SH2D4B: variants seen among roughly 807,000 people sequenced by gnomAD.
The protein encoded by SH2D4B is SH2 domain-containing protein 4B.
Under a neutral mutation model 61.5 loss-of-function variants are expected in SH2D4B, and 45 were observed. The ratio of observed to expected loss-of-function variants is 0.73; its 90% CI spans 0.58 to 0.94. SH2D4B has a LOEUF of 0.94. SH2D4B is among the 40% of genes least tolerant of loss of function. The pLI is 0.00. For synonymous variants in SH2D4B, 224 were observed against 220.4 expected (o/e 1.02, Z -0.14); for missense variants, 572 against 574.2 (o/e 1.00, Z 0.04).
chr10:80,583,940 G>T (rs1220081748), intron 3 of SH2D4B, among the ~76,000 whole-genome samples: 1 of 152,178 alleles, frequency 6.6e-6, no homozygotes, highest in Non-Finnish European at 1.5e-5. Context: ...CAGAACATTG[G>T]TGTTAAAGAG....
chr10:80,556,207 A>C (rs978560002), intron 1 of SH2D4B, among the ~76,000 whole-genome samples: 1 of 151,826 alleles, frequency 6.6e-6, no homozygotes, highest in African/African-American at 2.4e-5. Flanking sequence ...TCTCCATTGC[A>C]TTATCTTGGC....
chr10:80,581,494 C>T (rs1471321771), intron 3 of SH2D4B, among the ~76,000 whole-genome samples: 1 of 139,302 alleles, frequency 7.2e-6, no homozygotes, highest in Admixed American at 7.1e-5. Context: ...AAAATGAGAT[C>T]GAGTGGGTTA....
chr10:80,639,468 T>G (rs2132166197), intron 7 of SH2D4B, among the ~76,000 whole-genome samples: 1 of 152,336 alleles, frequency 6.6e-6, no homozygotes, highest in South Asian at 2.1e-4. Flanking sequence ...GGTGCTCCTG[T>G]ATTGGGTGCA....
rs549906511 is a variant in SH2D4B, at chr10:80,609,640, T to C, written c.988+89T>C. 6.4e-5 allele frequency: 102 copies of C among 1,582,608 alleles called. No individual in the cohort carries two copies. In the African/African-American group the frequency reaches 1.1e-3, roughly 18 times the overall value. On this transcript the variant is annotated intron_variant, in intron 6 of 7. Transcript: ENST00000646907. ...GGGGAGGGGTGCTGAAGGACAGTTA[T>C]AATCAGGGGGCAGAGGACTTTAAGC...
intron 1 of SH2D4B, among the ~76,000 whole-genome samples, chr10:80,551,290 G>A (rs1391981165): frequency 1.3e-5 from 2 of 151,852 alleles, no homozygotes; most frequent in Admixed American, 6.6e-5. Flanking sequence ...TCCTGACCTC[G>A]TGATCTGCCT....
intron 6 of SH2D4B, among the ~76,000 whole-genome samples, chr10:80,624,362 C>T (rs559482777): frequency 1.3e-5 from 2 of 152,342 alleles, no homozygotes; most frequent in African/African-American, 4.8e-5. Context: ...TCTGCCTCTT[C>T]CCAGCTCTAG....
At chr10:80,541,508 C>G (rs890783633) in intron 1 of SH2D4B, among the ~76,000 whole-genome samples, 1 of 152,272 alleles carries the variant, frequency 6.6e-6, no homozygotes, top group South Asian at 2.1e-4. Context: ...CTGAGCATGA[C>G]GTGGGTTAGT....
intron 6 of SH2D4B, among the ~76,000 whole-genome samples, chr10:80,619,078 A>G (rs1842688739): frequency 1.3e-5 from 2 of 152,228 alleles, no homozygotes; most frequent in South Asian, 4.1e-4. Context: ...GAACATCTGT[A>G]TGGAATTCAG....
chr10:80,610,601 C>T (rs1417695865), intron 6 of SH2D4B, among the ~76,000 whole-genome samples: 2 of 152,128 alleles, frequency 1.3e-5, no homozygotes, highest in East Asian at 1.9e-4. Flanking sequence ...TGTATTCAGC[C>T]CTCACCCCTG....
At chr10:80,562,388 C>G (rs1841911525) in intron 1 of SH2D4B, among the ~76,000 whole-genome samples, 1 of 152,156 alleles carries the variant, frequency 6.6e-6, no homozygotes, top group African/African-American at 2.4e-5. Context: ...AACAAAATGA[C>G]ATTGAATCAA....
At chr10:80,559,834 C>T (rs1406763280) in intron 1 of SH2D4B, among the ~76,000 whole-genome samples, 1 of 151,328 alleles carries the variant, frequency 6.6e-6, no homozygotes, top group Non-Finnish European at 1.5e-5. Context: ...AATAGGGTTT[C>T]ACTGTGTTCC....
At position 80,646,310 on chromosome 10, in the gene SH2D4B, G is replaced by A. The variant is rs1361129328; in HGVS notation, c.*2225G>A. ...AGATGAGTTGAGACCCTGAATCCCT[G>A]GGCTGTTGTTCCTGTCACCCCTAAT... On this transcript the variant is annotated 3_prime_UTR_variant, in exon 8 of 8. Coordinates refer to ENST00000646907, the MANE Select transcript of SH2D4B (RefSeq NM_001388272.1). 6.6e-6 allele frequency: 1 copy of A among 152,536 alleles called. No homozygotes were observed. Among genetic ancestry groups the A allele is most frequent in the Non-Finnish European group, 1.5e-5 (1 of 68,018 alleles). The allele number at this position is 152,536 out of a possible 1,614,324, so 9.4% of individuals were successfully genotyped here.
intron 6 of SH2D4B, among the ~76,000 whole-genome samples, chr10:80,629,956 A>G (rs1044977021): frequency 6.6e-6 from 1 of 152,140 alleles, no homozygotes; most frequent in Non-Finnish European, 1.5e-5. Context: ...GGATGTAAAG[A>G]TGAGTTGTCT....
At chr10:80,604,970 T>A (rs1842500712) in intron 5 of SH2D4B, among the ~76,000 whole-genome samples, 1 of 152,148 alleles carries the variant, frequency 6.6e-6, no homozygotes, top group African/African-American at 2.4e-5. Context: ...ATTTTTTGTA[T>A]TTTTAGTAGA....
intron 1 of SH2D4B, among the ~76,000 whole-genome samples, chr10:80,544,346 C>T (rs1841636141): frequency 6.6e-6 from 1 of 152,200 alleles, no homozygotes; most frequent in Admixed American, 6.5e-5. Context: ...ATCTGAACAT[C>T]AGAAGGAACA....
chr10:80,579,841 T>A (rs1368424378), intron 3 of SH2D4B, among the ~76,000 whole-genome samples: 1 of 152,142 alleles, frequency 6.6e-6, no homozygotes, highest in African/African-American at 2.4e-5. Flanking sequence ...CTTGAAAATT[T>A]TAGACTTTAC....
At chr10:80,586,588 G>A (rs1842252607) in intron 3 of SH2D4B, among the ~76,000 whole-genome samples, 1 of 152,102 alleles carries the variant, frequency 6.6e-6, no homozygotes, top group African/African-American at 2.4e-5. Flanking sequence ...CTAGCTCAGG[G>A]ATTGTAAACG....
chr10:80,580,128 C>G (rs759420686), intron 3 of SH2D4B, among the ~76,000 whole-genome samples: 3 of 152,268 alleles, frequency 2.0e-5, no homozygotes, highest in Middle Eastern at 3.4e-3. Context: ...AATGAGGATG[C>G]CTTTGTCACC....
chr10:80,614,451 A>T (rs576865993), intron 6 of SH2D4B, among the ~76,000 whole-genome samples: 1 of 152,336 alleles, frequency 6.6e-6, no homozygotes, highest in South Asian at 2.1e-4. Context: ...AACACCTCTC[A>T]CCAGGCCCTA....
Sources: allele counts gnomAD v4.1 joint callset (sites outside exome capture counted in the v4.1 genomes callset), GRCh38; gene constraint gnomAD v4.1.1; transcripts MANE v1.5; gene names NCBI Gene and HGNC (gene_info 2026-07-23, HGNC 2026-07-21).